TRIQK: variants seen among roughly 807,000 people sequenced by gnomAD.
The protein encoded by TRIQK is triple QxxK/R motif-containing protein.
Under a neutral mutation model 10.8 loss-of-function variants are expected in TRIQK, and 10 were observed. That is an observed-to-expected ratio of 0.92 (90% CI 0.57 to 1.57). The LOEUF is 1.57. Among genes scored for constraint, TRIQK ranks in the 40% most tolerant of loss-of-function variants. The pLI, the probability that TRIQK is intolerant of heterozygous loss-of-function variation, is 0.00. For synonymous variants in TRIQK, 33 were observed against 33.7 expected, an observed-to-expected ratio of 0.98 and a Z score of 0.07; for missense variants, 107 against 97.7, an observed-to-expected ratio of 1.09 and a Z score of -0.40.
chr8:92,942,809 C>T (rs1197021702), intron 2 of TRIQK, among the ~76,000 whole-genome samples: 1 of 152,110 alleles, frequency 6.6e-6, no homozygotes, highest in Non-Finnish European at 1.5e-5. Context: ...GTTCTCCTGC[C>T]TCAGCCTCTC....
intron 3 of TRIQK, among the ~76,000 whole-genome samples, chr8:92,901,453 T>C (rs1388365359): frequency 6.6e-6 from 1 of 152,182 alleles, no homozygotes; most frequent in Admixed American, 6.6e-5. Context: ...GTTTTTATCA[T>C]GAAGGATGTT....
intron 1 of TRIQK, among the ~76,000 whole-genome samples, chr8:93,001,608 A>C (rs1011262424): frequency 1.3e-5 from 2 of 152,202 alleles, no homozygotes; most frequent in African/African-American, 4.8e-5. Flanking sequence ...ATGTATATGA[A>C]CCCAACATCA....
At chr8:93,011,594 G>A (rs776909303) in intron 1 of TRIQK, among the ~76,000 whole-genome samples, 1 of 152,066 alleles carries the variant, frequency 6.6e-6, no homozygotes, top group African/African-American at 2.4e-5. Context: ...AGAGGTGGTA[G>A]AAGAAATGGG....
intron 1 of TRIQK, among the ~76,000 whole-genome samples, chr8:92,981,564 AC>A (rs1207607884): frequency 1.3e-5 from 2 of 151,822 alleles, no homozygotes; most frequent in Non-Finnish European, 2.9e-5. Flanking sequence ...TACATAAAGA[AC>A]CATTACTGCA....
At chr8:92,976,905 A>T (rs1008874609) in intron 1 of TRIQK, among the ~76,000 whole-genome samples, 4 of 151,918 alleles carry the variant, frequency 2.6e-5, no homozygotes, top group Non-Finnish European at 5.9e-5. Context: ...GATGCAGTAT[A>T]TTTCCATTTC....
At chr8:92,895,685 C>T (rs927441809) in intron 3 of TRIQK, among the ~76,000 whole-genome samples, 1 of 152,054 alleles carries the variant, frequency 6.6e-6, no homozygotes, top group Admixed American at 6.6e-5. Context: ...TGGCAAAGAA[C>T]GTGGCTGAAT....
At chr8:92,995,705 T>G (rs1813146355) in intron 1 of TRIQK, among the ~76,000 whole-genome samples, 1 of 152,068 alleles carries the variant, frequency 6.6e-6, no homozygotes, top group East Asian at 1.9e-4. Context: ...AAGTCAAACA[T>G]ATGTTATAAT....
intron 1 of TRIQK, among the ~76,000 whole-genome samples, chr8:93,006,006 G>C (rs1456930799): frequency 6.8e-6 from 1 of 147,864 alleles, no homozygotes; most frequent in East Asian, 2.0e-4. Context: ...ATTTTTGTTT[G>C]CTAATAGCGA....
upstream of TRIQK, among the ~76,000 whole-genome samples, chr8:92,967,657 A>C (rs1284714433): frequency 1.3e-5 from 2 of 151,874 alleles, no homozygotes; most frequent in Non-Finnish European, 2.9e-5. Flanking sequence ...CCCCGTCTCT[A>C]CTAAAAATAC....
At chr8:92,931,830 T>C (rs1480934974) in intron 2 of TRIQK, among the ~76,000 whole-genome samples, 1 of 152,096 alleles carries the variant, frequency 6.6e-6, no homozygotes, top group East Asian at 1.9e-4. Flanking sequence ...ACAAGGACAG[T>C]TTACCATACA....
intron 3 of TRIQK, among the ~76,000 whole-genome samples, chr8:92,899,326 C>A (rs141648087): frequency 1.1e-3 from 171 of 152,040 alleles, no homozygotes; most frequent in African/African-American, 3.9e-3. Flanking sequence ...TTATCAAATA[C>A]TAGATCTTAT....
intron 2 of TRIQK, among the ~76,000 whole-genome samples, chr8:92,950,887 G>GTATAACA (rs1230156901): frequency 6.6e-6 from 1 of 151,918 alleles, no homozygotes; most frequent in Non-Finnish European, 1.5e-5. Context: ...ACATTATACA[G>GTATAACA]GTCTCCCTCC....
At chr8:93,014,323 T>A (rs1415017724) in intron 1 of TRIQK, among the ~76,000 whole-genome samples, 5 of 152,060 alleles carry the variant, frequency 3.3e-5, no homozygotes, top group Non-Finnish European at 7.4e-5. Context: ...TGTAGAGTAA[T>A]GATATATATG....
At chr8:92,949,074 A>T (rs1226918225) in intron 2 of TRIQK, among the ~76,000 whole-genome samples, 1 of 152,186 alleles carries the variant, frequency 6.6e-6, no homozygotes, top group East Asian at 1.9e-4. Context: ...TCTGTTACAT[A>T]ACTTTCCTTT....
intron 2 of TRIQK, among the ~76,000 whole-genome samples, chr8:92,949,645 A>C (rs1482702180): frequency 7.3e-5 from 10 of 136,884 alleles, no homozygotes; most frequent in Admixed American, 2.2e-4. Flanking sequence ...GGAAGAAAGG[A>C]AGGAAAGGGA....
At chr8:92,897,219 T>C (rs1015944483) in intron 3 of TRIQK, among the ~76,000 whole-genome samples, 1 of 152,120 alleles carries the variant, frequency 6.6e-6, no homozygotes, top group Non-Finnish European at 1.5e-5. Context: ...CTTACCCACA[T>C]GTGATTTTAA....
At chr8:92,913,900 A>G (rs981149831) in intron 3 of TRIQK, among the ~76,000 whole-genome samples, 1 of 152,162 alleles carries the variant, frequency 6.6e-6, no homozygotes, top group African/African-American at 2.4e-5. Context: ...GTTCTCATGC[A>G]TAAGTGGGGG....
At chr8:92,916,168 A>T (rs982095469) in intron 3 of TRIQK, among the ~76,000 whole-genome samples, 1 of 152,198 alleles carries the variant, frequency 6.6e-6, no homozygotes, top group African/African-American at 2.4e-5. Flanking sequence ...AAATGCAGTT[A>T]TAGGATATTG....
At chr8:92,976,453 A>G (rs1812932437) in intron 1 of TRIQK, among the ~76,000 whole-genome samples, 1 of 151,990 alleles carries the variant, frequency 6.6e-6, no homozygotes, top group Non-Finnish European at 1.5e-5. Flanking sequence ...TAATATAATC[A>G]TGTCAGCTTT....
Sources: allele counts gnomAD v4.1 joint callset (sites outside exome capture counted in the v4.1 genomes callset), GRCh38; gene constraint gnomAD v4.1.1; transcripts MANE v1.5; gene names NCBI Gene and HGNC (gene_info 2026-07-23, HGNC 2026-07-21).